Variants in HPSE2 observed in about 807,000 individuals in gnomAD.
HPSE2 encodes the protein heparanase 2 (inactive), also known as inactive heparanase-2.
In HPSE2, 38 loss-of-function variants were observed where a neutral mutation model predicts 60.5. The ratio of observed to expected loss-of-function variants is 0.63; its 90% confidence interval spans 0.48 to 0.82. HPSE2 has a LOEUF of 0.82. Ranked by LOEUF, HPSE2 falls within the 40% of genes least tolerant of loss-of-function variation. The pLI, the probability that HPSE2 is intolerant of heterozygous loss-of-function variation, is 0.00. For missense variants in HPSE2, 713 were observed against 740.4 expected, an observed-to-expected ratio of 0.96 and a Z score of 0.43; for synonymous variants, 295 against 293.2, an observed-to-expected ratio of 1.01 and a Z score of -0.06.
chr10:98,613,597 CAG>C (rs1467214804), intron 9 of HPSE2, among the ~76,000 whole-genome samples: 16 of 152,144 alleles, frequency 1.1e-4, no homozygotes, highest in African/African-American at 3.4e-4. Flanking sequence ...TAGAAATAGG[CAG>C]AGAGAGGCAA....
intron 6 of HPSE2, among the ~76,000 whole-genome samples, chr10:98,675,577 C>CACAA (rs761938113): frequency 6.0e-5 from 9 of 150,486 alleles, no homozygotes; most frequent in Non-Finnish European, 8.9e-5. Context: ...CACACACACA[C>CACAA]AATAACCAGC....
chr10:98,486,803 G>A (rs1415527427), intron 10 of HPSE2, among the ~76,000 whole-genome samples: 1 of 152,142 alleles, frequency 6.6e-6, no homozygotes, highest in Admixed American at 6.5e-5. Context: ...TTCGGTAAAA[G>A]CCAGGCCATG....
chr10:98,666,821 T>A (rs1947375155), intron 6 of HPSE2, among the ~76,000 whole-genome samples: 2 of 152,028 alleles, frequency 1.3e-5, no homozygotes, highest in South Asian at 4.1e-4. Context: ...AACACCTTCA[T>A]TAAGTAGTTA....
At chr10:99,063,275 C>G (rs536568264) in intron 3 of HPSE2, among the ~76,000 whole-genome samples, 12 of 151,478 alleles carry the variant, frequency 7.9e-5, no homozygotes, top group African/African-American at 2.9e-4. Flanking sequence ...AATGTTAGTA[C>G]CCCAATAATC....
At chr10:99,197,569 A>T (rs1848443765) in intron 2 of HPSE2, among the ~76,000 whole-genome samples, 1 of 152,206 alleles carries the variant, frequency 6.6e-6, no homozygotes, top group African/African-American at 2.4e-5. Context: ...ATGAGTATCC[A>T]CCTGACAGAG....
chr10:99,006,719 G>C (rs570815525), intron 3 of HPSE2, among the ~76,000 whole-genome samples: 1 of 152,320 alleles, frequency 6.6e-6, no homozygotes, highest in South Asian at 2.1e-4. Context: ...TGTAGAGGTT[G>C]GCCTGGTGCT....
chr10:98,794,964 AGGGAG>A (rs966522231), intron 3 of HPSE2, among the ~76,000 whole-genome samples: 3 of 127,130 alleles, frequency 2.4e-5, no homozygotes, highest in African/African-American at 8.7e-5. Context: ...ACCATAGCCA[AGGGAG>A]GGGAGGGGAG....
At chr10:98,497,946 T>C (rs1239974857) in intron 9 of HPSE2, among the ~76,000 whole-genome samples, 5 of 152,212 alleles carry the variant, frequency 3.3e-5, no homozygotes, top group African/African-American at 1.2e-4. Context: ...TTTTATGAAC[T>C]TTGGCCAGAA....
chr10:98,815,219 C>T (rs1045947259), intron 3 of HPSE2, among the ~76,000 whole-genome samples: 6 of 152,150 alleles, frequency 3.9e-5, no homozygotes, highest in African/African-American at 1.4e-4. Context: ...GAGGTTGAGG[C>T]TGCAGCGAGC....
At position 99,208,021 on chromosome 10, in the gene HPSE2, AATTAT is replaced by A. The variant is rs547371168; in HGVS notation, c.448+24322_448+24326del. Among the ~76,000 whole-genome samples, 196 of 149,086 alleles carry A rather than the reference AATTAT, an allele frequency of 1.3e-3. 1 individual carries two copies. The highest frequency in any genetic ancestry group is 3.5e-3 in the African/African-American group (145 of 41,052). Reference sequence around the variant, plus strand: ...AATATACTATAATTTATTATAGTATAATTATATTATAATATAAGAAGTTATACTAT... The same window carrying A: ...AATATACTATAATTTATTATAGTATAATTATAATATAAGAAGTTATACTAT... On this transcript the variant is annotated intron_variant, in intron 2 of 11. Transcript: ENST00000370552.
At chr10:99,302,558 T>C in the HPSE2 span, among the ~76,000 whole-genome samples, 3 of 152,084 alleles carry the variant, frequency 2.0e-5, no homozygotes, top group Non-Finnish European at 2.9e-5. Flanking sequence ...CACGATATTA[T>C]ACCCATGAGG....
intron 3 of HPSE2, among the ~76,000 whole-genome samples, chr10:98,938,506 G>C (rs1432405105): frequency 7.0e-6 from 1 of 143,796 alleles, no homozygotes; most frequent in Admixed American, 6.9e-5. Flanking sequence ...AAGATGAAAT[G>C]AATGAAATGA....
At chr10:98,585,951 CAAAAAAA>C (rs35839169) in intron 9 of HPSE2, among the ~76,000 whole-genome samples, 3 of 117,082 alleles carry the variant, frequency 2.6e-5, no homozygotes, top group Non-Finnish European at 1.8e-5. Flanking sequence ...GACTGTGTCT[CAAAAAAA>C]AAAAAAAAAA....
chr10:99,011,291 A>G (rs896623765), intron 3 of HPSE2, among the ~76,000 whole-genome samples: 2 of 152,162 alleles, frequency 1.3e-5, no homozygotes, highest in East Asian at 1.9e-4. Flanking sequence ...AGATTTAGAT[A>G]TTGAGTATTT....
intron 9 of HPSE2, among the ~76,000 whole-genome samples, chr10:98,590,231 AG>A (rs1945051536): frequency 6.6e-6 from 1 of 152,256 alleles, no homozygotes; most frequent in Non-Finnish European, 1.5e-5. Flanking sequence ...TCACGAGGTC[AG>A]GAGATTGAGA....
At chr10:98,633,063 C>T (rs939923976) in intron 7 of HPSE2, among the ~76,000 whole-genome samples, 20 of 152,290 alleles carry the variant, frequency 1.3e-4, no homozygotes, top group Non-Finnish European at 1.8e-4. Context: ...GCAAGACCAA[C>T]GCCTCCTCTT....
intron 3 of HPSE2, among the ~76,000 whole-genome samples, chr10:99,131,930 G>C (rs1845401837): frequency 2.0e-5 from 3 of 151,690 alleles, no homozygotes; most frequent in Admixed American, 1.3e-4. Flanking sequence ...TGGCCAACAT[G>C]ATGAAACCCC....
chr10:98,492,364 T>C (rs1375199301), intron 9 of HPSE2, among the ~76,000 whole-genome samples: 4 of 151,534 alleles, frequency 2.6e-5, no homozygotes, highest in Admixed American at 2.0e-4. Context: ...TAGCAGGGCG[T>C]GGTGATGGGC....
intron 7 of HPSE2, among the ~76,000 whole-genome samples, chr10:98,621,475 G>T (rs1946072153): frequency 6.6e-6 from 1 of 152,170 alleles, no homozygotes; most frequent in East Asian, 1.9e-4. Context: ...GCCCCTAAAA[G>T]CAGAACCTGA....
Sources: gnomAD v4.1 joint callset for allele counts (sites outside exome capture counted in the v4.1 genomes callset) on GRCh38, gnomAD v4.1.1 for gene constraint, MANE v1.5 for transcripts, NCBI Gene and HGNC (gene_info 2026-07-23, HGNC 2026-07-21) for gene names.